The following VDAC1 variants were observed in gnomAD, a reference collection of about 807,000 sequenced individuals.
VDAC1 encodes the protein voltage dependent anion channel 1.
Under a neutral mutation model 34.7 loss-of-function variants are expected in VDAC1, and 10 were observed. That is an observed-to-expected ratio of 0.29 (90% CI 0.18 to 0.49). The LOEUF is 0.49. VDAC1 is among the 20% of genes least tolerant of loss of function. VDAC1 has a pLI of 0.99. For synonymous variants in VDAC1, 130 were observed against 136.0 expected, an observed-to-expected ratio of 0.96 and a Z score of 0.30; for missense variants, 230 against 347.9, an observed-to-expected ratio of 0.66 and a Z score of 2.69.
the VDAC1 span, among the ~76,000 whole-genome samples, chr5:134,092,225 T>A: frequency 6.6e-6 from 1 of 152,232 alleles, no homozygotes; most frequent in Admixed American, 6.5e-5. Flanking sequence ...TTTCACCCCC[T>A]GCCTGGGAAT....
chr5:134,063,778 C>A, the VDAC1 span, among the ~76,000 whole-genome samples: 1 of 152,178 alleles, frequency 6.6e-6, no homozygotes, highest in African/African-American at 2.4e-5. Flanking sequence ...GAACTGCTAA[C>A]CACAGAATCA....
chr5:134,109,591 G>A, the VDAC1 span, among the ~76,000 whole-genome samples: 2 of 152,050 alleles, frequency 1.3e-5, no homozygotes, highest in South Asian at 4.2e-4. Flanking sequence ...CCAACATGGT[G>A]AAACCCCATC....
intron 7 of VDAC1, 27 bp from the exon 8 acceptor site, chr5:133,973,875 A>G (rs1390937913): frequency 6.2e-7 from 1 of 1,608,496 alleles, no homozygotes; most frequent in African/African-American, 1.3e-5. Flanking sequence ...CAAAACAGAG[A>G]AAACATTAAG....
the VDAC1 span, among the ~76,000 whole-genome samples, chr5:134,035,911 C>A: frequency 6.7e-6 from 1 of 149,744 alleles, no homozygotes; most frequent in African/African-American, 2.5e-5. Flanking sequence ...GAGGCTGAGG[C>A]AGGAGAATCG....
chr5:134,019,297 G>A, the VDAC1 span, among the ~76,000 whole-genome samples: 22 of 152,220 alleles, frequency 1.4e-4, no homozygotes, highest in South Asian at 4.6e-3. Flanking sequence ...CACAACTTTG[G>A]CCAGCCACAG....
chr5:134,074,317 T>TAAATAAAC, the VDAC1 span, among the ~76,000 whole-genome samples: 1 of 146,698 alleles, frequency 6.8e-6, no homozygotes, highest in Non-Finnish European at 1.5e-5. Context: ...AATAAATAAA[T>TAAATAAAC]AAATAAATAA....
At chr5:134,042,768 G>T in the VDAC1 span, among the ~76,000 whole-genome samples, 3 of 152,218 alleles carry the variant, frequency 2.0e-5, no homozygotes, top group Admixed American at 6.5e-5. Context: ...GATTACAGGC[G>T]TGAGCCACCA....
At chr5:134,050,008 TGGGAG>T in the VDAC1 span, among the ~76,000 whole-genome samples, 1,051 of 152,254 alleles carry the variant, frequency 6.9e-3, 12 homozygotes, top group African/African-American at 0.023. Context: ...CCCAGCACTT[TGGGAG>T]GCTGAGGACG....
the VDAC1 span, among the ~76,000 whole-genome samples, chr5:134,025,965 G>T: frequency 6.6e-6 from 1 of 152,158 alleles, no homozygotes; most frequent in South Asian, 2.1e-4. Context: ...GCCATGGGCA[G>T]TGCCAACCTT....
chr5:134,018,122 CA>C, the VDAC1 span, among the ~76,000 whole-genome samples: 1 of 152,086 alleles, frequency 6.6e-6, no homozygotes, highest in African/African-American at 2.4e-5. Flanking sequence ...GCAGGCTGCA[CA>C]AAAAAGCATG....
chr5:134,071,363 A>G, the VDAC1 span, among the ~76,000 whole-genome samples: 1 of 151,606 alleles, frequency 6.6e-6, no homozygotes, highest in African/African-American at 2.4e-5. The surrounding 1 kb of genome is among the most constrained non-coding windows in gnomAD (Gnocchi z 4.1). Flanking sequence ...CCACAAAGGG[A>G]CTCGCCCCTT....
At chr5:134,112,036 G>A in the VDAC1 span, among the ~76,000 whole-genome samples, 10 of 152,278 alleles carry the variant, frequency 6.6e-5, no homozygotes, top group South Asian at 2.1e-4. Flanking sequence ...GAGGTTGGTC[G>A]TTGTGTAGAC....
At chr5:134,089,674 G>A in the VDAC1 span, among the ~76,000 whole-genome samples, 1 of 134,950 alleles carries the variant, frequency 7.4e-6, no homozygotes, top group East Asian at 2.2e-4. Context: ...TCATGGCCGG[G>A]TGTGGTGGCT....
chr5:134,004,107 G>A (rs1193926772), intron 1 of VDAC1, among the ~76,000 whole-genome samples: 2 of 152,176 alleles, frequency 1.3e-5, no homozygotes, highest in African/African-American at 4.8e-5. Flanking sequence ...GGGCGGTGCC[G>A]GGCGCCAGCT....
At chr5:134,109,016 C>G in the VDAC1 span, among the ~76,000 whole-genome samples, 1 of 152,214 alleles carries the variant, frequency 6.6e-6, no homozygotes, top group Non-Finnish European at 1.5e-5. Flanking sequence ...GAACCCCTGG[C>G]TCCCAGAGCC....
At chr5:134,044,935 T>C in the VDAC1 span, among the ~76,000 whole-genome samples, 7 of 152,162 alleles carry the variant, frequency 4.6e-5, no homozygotes, top group African/African-American at 1.7e-4. Flanking sequence ...AAGGGAGGCC[T>C]AGGCAGGGGC....
chr5:133,982,890 CAAA>C (rs1382644803), intron 5 of VDAC1, among the ~76,000 whole-genome samples: 4 of 69,356 alleles, frequency 5.8e-5, no homozygotes, highest in Non-Finnish European at 6.2e-5. Context: ...AACTCAGTCT[CAAA>C]AAAAAAAAAA....
At chr5:134,074,305 AAAATAAATAAAT>A in the VDAC1 span, among the ~76,000 whole-genome samples, 722 of 136,766 alleles carry the variant, frequency 5.3e-3, 4 homozygotes, top group Middle Eastern at 0.018. Flanking sequence ...ACTCCATCTC[AAAATAAATAAAT>A]AAATAAATAA....
At chr5:133,988,335 C>T (rs1752978517) in intron 5 of VDAC1, among the ~76,000 whole-genome samples, 1 of 150,848 alleles carries the variant, frequency 6.6e-6, no homozygotes, top group Non-Finnish European at 1.5e-5. Flanking sequence ...GCCTGTAAAC[C>T]CGGCACTTTG....
Sources: allele counts gnomAD v4.1 joint callset (sites outside exome capture counted in the v4.1 genomes callset), GRCh38; gene constraint gnomAD v4.1.1; non-coding constraint Gnocchi (gnomAD v3.1); transcripts MANE v1.5; gene names NCBI Gene and HGNC (gene_info 2026-07-23, HGNC 2026-07-21).